Variants in UGT2B15 observed in about 807,000 individuals in gnomAD.
UGT2B15 encodes the protein UDP glucuronosyltransferase family 2 member B15.
A neutral mutation model predicts 45.9 loss-of-function variants in UGT2B15; 36 were observed. The ratio of observed to expected loss-of-function variants is 0.78; its 90% CI spans 0.60 to 1.04. UGT2B15 has a LOEUF of 1.04. UGT2B15 is among the 50% of genes least tolerant of loss of function. The pLI is 0.00. For missense variants in UGT2B15, 617 were observed against 622.4 expected (o/e 0.99, Z 0.09); for synonymous variants, 219 against 216.4 (o/e 1.01, Z -0.11).
In UGT2B15 at chr4:68,668,112, A is replaced by G. The variant is rs1578201490; in HGVS notation, c.801T>C (p.Phe267=). The G allele has an allele frequency of 6.2e-7, 1 of 1,614,036 alleles. No individual in the cohort carries two copies. The highest frequency in any genetic ancestry group is 8.5e-7 in the Non-Finnish European group (1 of 1,179,972). ...WLIRTYWDFE[F]PRPFLPNVDF... ...CAACATTTGGTAAGAATGGGCGAGGAAATTCAAAATCCCAATAGGTTCGAA... is the reference window on the plus strand; with the variant it reads ...CAACATTTGGTAAGAATGGGCGAGGGAATTCAAAATCCCAATAGGTTCGAA... The change falls in exon 2 of 6, where the codon TTT becomes TTC. Residue 267 remains phenylalanine, a synonymous_variant. Transcript: ENST00000338206.
intron 3 of UGT2B15, among the ~76,000 whole-genome samples, chr4:68,661,851 A>G (rs5029390): frequency 1.8e-4 from 27 of 152,232 alleles, no homozygotes; most frequent in African/African-American, 6.3e-4. Context: ...CAGATGCTGA[A>G]AATGTAGAAA....
chr4:68,655,187 T>C lies in UGT2B15; in HGVS notation c.1006-5A>G, dbSNP rs765125890. On this transcript the variant is annotated splice_polypyrimidine_tract_variant and splice_region_variant and intron_variant, in intron 3 of 5. Transcript: ENST00000338206. ...GCCATCAAATCTCCATAGAACCTGT[T>C]AGGGCAAGGAAAATATCTTGTTCAA... The C allele has an allele frequency of 2.4e-4, 383 of 1,612,828 alleles. 1 individual carries two copies. Among genetic ancestry groups the C allele is most frequent in the Non-Finnish European group, 1.0e-5 (12 of 1,179,360 alleles).
Position 68,664,111 on chromosome 4 carries a change from C to A in UGT2B15, c.874-972G>T, listed in dbSNP as rs150267984. The stretch of plus-strand genomic sequence containing the variant: ...TCTCCAGTGGAGATCTGCTCACCCC[C>A]TAGAGTAGCTCCCTCACACTATATG... On this transcript the variant is annotated intron_variant, in intron 2 of 5. Coordinates refer to ENST00000338206, the MANE Select transcript of UGT2B15 (RefSeq NM_001076.4). Among the ~76,000 whole-genome samples, 1,134 of 152,098 alleles carry A rather than the reference C, an allele frequency of 7.5e-3. 9 individuals are homozygous for A. Among genetic ancestry groups the A allele is most frequent in the Non-Finnish European group, 0.013 (858 of 67,958 alleles).
chr4:68,670,248 C>G lies in UGT2B15; in HGVS notation c.371G>C (p.Ser124Thr), dbSNP rs1213469003. The G allele has an allele frequency of 6.2e-7, 1 of 1,613,972 alleles. No homozygotes were observed. The highest frequency in any genetic ancestry group is 8.5e-7 in the Non-Finnish European group (1 of 1,179,978). ...QELCWEYYDY[S>T]NKLCKDAVLN... The stretch of plus-strand genomic sequence containing the variant: ...AACTGCATCTTTACAGAGCTTGTTA[C>G]TGTAGTCATAATATTCCCAACACAA... The change falls in exon 1 of 6, where the codon AGT (serine) becomes ACT (threonine). Residue 124 changes from serine (S) to threonine (T), a missense_variant. By Grantham distance (58) the Ser-to-Thr change is moderately conservative (BLOSUM62 1). Coordinates refer to ENST00000338206, the MANE Select transcript of UGT2B15 (RefSeq NM_001076.4).
intron 1 of UGT2B15, 58 bp from the exon 2 acceptor site, chr4:68,668,246 A>C (rs1334680774): frequency 6.2e-7 from 1 of 1,603,958 alleles, no homozygotes; most frequent in Non-Finnish European, 8.5e-7. Context: ...TGTTATTTGA[A>C]TATGCAGGTA....
At chr4:68,668,373 A>T (rs1028876081) in intron 1 of UGT2B15, among the ~76,000 whole-genome samples, 185 bp from the exon 2 acceptor site, 9 of 152,168 alleles carry the variant, frequency 5.9e-5, no homozygotes, top group Non-Finnish European at 7.3e-5. Context: ...TTTATTGCAT[A>T]TGTTGCTCAT....
chr4:68,666,779 C>T lies in UGT2B15; in HGVS notation c.873+1261G>A, dbSNP rs191417241. On this transcript the variant is annotated intron_variant, in intron 2 of 5. Transcript: ENST00000338206. ...TTTTTTTTTTTGAGACAGATTCTCA[C>T]TCTGTTGCCCAGGCTGGAGTGCAAT... 3.2e-3 allele frequency among the ~76,000 whole-genome samples: 437 copies of T among 135,186 alleles called. 2 individuals are homozygous for T. The highest frequency in any genetic ancestry group is 0.011 in the African/African-American group (409 of 36,876). The allele number at this position is 135,186 out of a possible 152,430, so 88.7% of individuals were successfully genotyped here. A position where few individuals can be genotyped will look rare whatever the true frequency, so the allele number is the denominator to read the frequency against.
chr4:68,660,336 G>A (rs76650874), intron 3 of UGT2B15, among the ~76,000 whole-genome samples: 140,256 of 150,594 alleles, frequency 0.93, 65,763 homozygotes, highest in East Asian at 1. Flanking sequence ...AGGCCCAGGA[G>A]CCCCAAGTTT....
At position 68,647,526 on chromosome 4, in the gene UGT2B15, A is replaced by T. The variant is rs1732517959; in HGVS notation, c.1314-143T>A. ...ATTGGCATGAAATTTCAATGTTTTA[A>T]TTCATGTCATTACAGAAAGTTTGGT... is the stretch of plus-strand genomic sequence containing the variant. On this transcript the variant is annotated intron_variant, in intron 5 of 5. Transcript: ENST00000338206. The T allele has an allele frequency of 5.6e-6, 6 of 1,079,798 alleles. No individual in the cohort carries two copies. The Admixed American group carries it at 1.8e-4, about 33-fold the overall frequency. 66.9% of individuals were successfully genotyped at this position (1,079,798 alleles called of 1,614,324 possible).
chr4:68,647,809 G>A (rs529278916), intron 5 of UGT2B15, among the ~76,000 whole-genome samples: 6 of 151,746 alleles, frequency 4.0e-5, no homozygotes, highest in African/African-American at 7.3e-5. Context: ...TTTCTCTTTC[G>A]GTCTCAAGTA....
Position 68,654,072 on chromosome 4 carries a change from C to A in UGT2B15, c.1278G>T (p.Leu426Phe), listed in dbSNP as rs1468929093. The change falls in exon 5 of 6, where the codon TTG becomes TTT. Residue 426 changes from leucine to phenylalanine, a missense_variant. Leu to Phe is a conservative substitution (Grantham distance 22). This residue lies in a region of UGT2B15 where 265 missense variants were observed against 245.1 expected (regional missense o/e 1.08). Coordinates refer to ENST00000338206, the MANE Select transcript of UGT2B15 (RefSeq NM_001076.4). ...VDIRTMSSRDLLNALKSVIND... is the reference protein window; with the variant it reads ...VDIRTMSSRDFLNALKSVIND... The stretch of plus-strand genomic sequence containing the variant: ...TAATGACTGACTTCAATGCATTGAG[C>A]AAATCTCTACTTGACATGGTCCTGA... 1.9e-6 allele frequency: 3 copies of A among 1,613,526 alleles called. No individual in the cohort carries two copies. The highest frequency in any genetic ancestry group is 2.5e-6 in the Non-Finnish European group (3 of 1,179,598).
At chr4:68,647,466 G>T in intron 5 of UGT2B15, 83 bp from the exon 6 acceptor site, 2 of 1,410,690 alleles carry the variant, frequency 1.4e-6, no homozygotes, top group Non-Finnish European at 1.9e-6. Context: ...TCTTTGAAAA[G>T]TGTCACACAA....
intron 5 of UGT2B15, among the ~76,000 whole-genome samples, chr4:68,648,248 T>C (rs1296068562): frequency 2.0e-5 from 3 of 152,138 alleles, no homozygotes; most frequent in Admixed American, 6.6e-5. Context: ...TAGAGAACTC[T>C]ACACAGGCAC....
At chr4:68,655,991 T>G (rs1732792144) in intron 3 of UGT2B15, among the ~76,000 whole-genome samples, 1 of 152,092 alleles carries the variant, frequency 6.6e-6, no homozygotes, top group Non-Finnish European at 1.5e-5. Context: ...ATGAGCTAAA[T>G]TTATGGCTCA....
chr4:68,657,861 T>A (rs1732856095), intron 3 of UGT2B15, among the ~76,000 whole-genome samples: 1 of 152,104 alleles, frequency 6.6e-6, no homozygotes, highest in Non-Finnish European at 1.5e-5. Flanking sequence ...AGCCATAGAA[T>A]CTTTTGTGTG....
In UGT2B15 at chr4:68,666,752, A is replaced by ATTTT. The variant is rs775748401; in HGVS notation, c.873+1284_873+1287dup. Among the ~76,000 whole-genome samples, 348 of 127,844 alleles carry ATTTT rather than the reference A, an allele frequency of 2.7e-3. 2 individuals are homozygous for ATTTT. The highest frequency in any genetic ancestry group is 9.5e-3 in the East Asian group (43 of 4,508). The allele number at this position is 127,844 out of a possible 152,430, so 83.9% of individuals were successfully genotyped here. A position where few individuals can be genotyped will look rare whatever the true frequency, so the allele number is the denominator to read the frequency against. ...AAATTACATATATATATATATATATATTTTTTTTTTTTGAGACAGATTCTC... is the reference window on the plus strand; with the variant it reads ...AAATTACATATATATATATATATATATTTTTTTTTTTTTTTTGAGACAGATTCTC... On this transcript the variant is annotated intron_variant, in intron 2 of 5. Transcript: ENST00000338206.
intron 2 of UGT2B15, among the ~76,000 whole-genome samples, chr4:68,664,266 CAAA>C (rs151053424): frequency 7.0e-6 from 1 of 142,890 alleles, no homozygotes; most frequent in Non-Finnish European, 1.5e-5. Flanking sequence ...ATTCTCACAC[CAAA>C]AAAAAAAAAA....
chr4:68,665,630 T>C (rs1733097419), intron 2 of UGT2B15, among the ~76,000 whole-genome samples: 1 of 152,182 alleles, frequency 6.6e-6, no homozygotes, highest in Admixed American at 6.5e-5. Flanking sequence ...TTTTGAAATA[T>C]ACAAACATTA....
intron 5 of UGT2B15, among the ~76,000 whole-genome samples, chr4:68,647,642 ATAT>A (rs1394386890): frequency 1.3e-5 from 2 of 152,124 alleles, no homozygotes; most frequent in Non-Finnish European, 2.9e-5. Context: ...GGAGCAGAAA[ATAT>A]TATGAGCCAT....
Sources: gnomAD v4.1 joint callset for allele counts (sites outside exome capture counted in the v4.1 genomes callset) on GRCh38, gnomAD v4.1.1 for gene constraint, gnomAD v4.1.1 regional missense constraint, MANE v1.5 for transcripts, NCBI Gene and HGNC (gene_info 2026-07-23, HGNC 2026-07-21) for gene names.